ARSB: variants seen among roughly 807,000 people sequenced by gnomAD.
ARSB encodes N-acetylgalactosamine-4-sulfatase.
Under a neutral mutation model 50.9 loss-of-function variants are expected in ARSB, and 41 were observed. The ratio of observed to expected loss-of-function variants is 0.81; its 90% CI spans 0.63 to 1.04. The LOEUF is 1.04. Ranked by LOEUF, ARSB falls within the 50% of genes least tolerant of loss-of-function variation. ARSB has a pLI of 0.00. For missense variants in ARSB, 672 were observed against 693.3 expected (o/e 0.97, Z 0.35); for synonymous variants, 269 against 284.8 (o/e 0.94, Z 0.56).
At chr5:78,859,026 T>A (rs1746293036) in intron 5 of ARSB, among the ~76,000 whole-genome samples, 1 of 152,254 alleles carries the variant, frequency 6.6e-6, no homozygotes, top group African/African-American at 2.4e-5. Context: ...AAACCAGATC[T>A]AATCAAAAAG....
rs576520678 is a variant in ARSB, at chr5:78,826,047, T to A, written c.1213+13309A>T. Among the ~76,000 whole-genome samples the A allele has an allele frequency of 4.8e-5, 7 of 145,400 alleles. No individual in the cohort carries two copies. In the South Asian group the frequency reaches 6.9e-4, roughly 14 times the overall value. ...AAAGTTAACCCCATGTCTTTCCTTTTTCTTTCTTTTTTTTTTTTTGATGGA... is the reference window on the plus strand; with the variant it reads ...AAAGTTAACCCCATGTCTTTCCTTTATCTTTCTTTTTTTTTTTTTGATGGA... On this transcript the variant is annotated intron_variant, in intron 6 of 7. Transcript: ENST00000264914.
intron 4 of ARSB, among the ~76,000 whole-genome samples, chr5:78,923,554 T>C (rs186680145): frequency 4.6e-5 from 7 of 152,264 alleles, no homozygotes; most frequent in African/African-American, 1.7e-4. Flanking sequence ...AGCTGAAGGA[T>C]GCAATTGTGG....
chr5:78,888,217 C>G (rs187251184), intron 4 of ARSB, among the ~76,000 whole-genome samples: 1 of 152,198 alleles, frequency 6.6e-6, no homozygotes, highest in African/African-American at 2.4e-5. Context: ...CAAACATTCA[C>G]TCAGGCCAGT....
intron 4 of ARSB, among the ~76,000 whole-genome samples, chr5:78,925,271 T>C (rs1283878803): frequency 2.0e-5 from 3 of 152,114 alleles, no homozygotes; most frequent in African/African-American, 7.2e-5. Flanking sequence ...TGGGAAAATA[T>C]TATCAACAAA....
At chr5:78,816,731 T>C (rs60315072) in intron 6 of ARSB, among the ~76,000 whole-genome samples, 7,502 of 152,262 alleles carry the variant, frequency 0.049, 641 homozygotes, top group African/African-American at 0.17. Flanking sequence ...AGCTTCTCCA[T>C]TGCTGACTTT....
At position 78,968,994 on chromosome 5, in the gene ARSB, C is replaced by T. The variant is rs764243908; in HGVS notation, c.499+12G>A. 2 of 1,613,956 alleles carry T rather than the reference C, an allele frequency of 1.2e-6. No homozygotes were observed. Among genetic ancestry groups the T allele is most frequent in the Non-Finnish European group, 1.7e-6 (2 of 1,179,854 alleles). ...GTCTAAGTTGTTAAAGAAACATGTG[C>T]ATTTCCATTACCAAAGTAGGTATCA... On this transcript the variant is annotated intron_variant, in intron 2 of 7. Coordinates refer to ENST00000264914, the MANE Select transcript of ARSB (RefSeq NM_000046.5).
chr5:78,951,390 C>CA (rs1751489687), intron 4 of ARSB, among the ~76,000 whole-genome samples: 1 of 151,218 alleles, frequency 6.6e-6, no homozygotes, highest in Non-Finnish European at 1.5e-5. Flanking sequence ...GACAGCATTG[C>CA]AAAAAAACTA....
rs748677053 is a variant in ARSB at position 78,969,029 on chromosome 5, C to A, written c.476G>T (p.Arg159Leu). The change falls in exon 2 of 8, where the codon CGC becomes CTC. Residue 159 changes from arginine (R) to leucine (L), a missense_variant. Coordinates refer to ENST00000264914, the MANE Select transcript of ARSB (RefSeq NM_000046.5). ...GMYRKECLPT[R>L]RGFDTYFGYL... ...ACCAAAGTAGGTATCAAATCCTCGGCGGGTTGGAAGGCATTCTTTCCGGTA... is the reference window on the plus strand; with the variant it reads ...ACCAAAGTAGGTATCAAATCCTCGGAGGGTTGGAAGGCATTCTTTCCGGTA... 6.2e-7 allele frequency: 1 copy of A among 1,614,096 alleles called. No individual in the cohort carries two copies.
chr5:78,798,100 G>A (rs1482159519), intron 6 of ARSB, among the ~76,000 whole-genome samples: 3 of 152,182 alleles, frequency 2.0e-5, no homozygotes, highest in African/African-American at 7.2e-5. Flanking sequence ...AAAATGCACT[G>A]AGCTTTTAAC....
chr5:78,849,656 T>G (rs1283829561), intron 5 of ARSB, among the ~76,000 whole-genome samples: 1 of 150,518 alleles, frequency 6.6e-6, no homozygotes, highest in Non-Finnish European at 1.5e-5. Flanking sequence ...TTGGGCAGTA[T>G]GGCCATTTTC....
chr5:78,959,453 A>C (rs1009931550), intron 3 of ARSB, among the ~76,000 whole-genome samples: 4 of 152,080 alleles, frequency 2.6e-5, no homozygotes, highest in Non-Finnish European at 5.9e-5. Flanking sequence ...CCAAACTTCT[A>C]CACTTTGAAA....
chr5:78,963,211 G>A (rs3869026), intron 3 of ARSB, among the ~76,000 whole-genome samples: 40,354 of 152,048 alleles, frequency 0.27, 6,670 homozygotes, highest in African/African-American at 0.47. Context: ...ATCTGCACAC[G>A]CCAGCTCAAC....
At position 78,852,200 on chromosome 5, in the gene ARSB, G is replaced by A. The variant is rs1365988100; in HGVS notation, c.1143-12774C>T. On this transcript the variant is annotated intron_variant, in intron 5 of 7. Coordinates refer to ENST00000264914, the MANE Select transcript of ARSB (RefSeq NM_000046.5). ...GCATGATTTTGCAGCGGCTGGTACC[G>A]ATTGTTCCTTTCCATGTTTAGTGCT... Among the ~76,000 whole-genome samples the A allele has an allele frequency of 2.0e-5, 3 of 152,200 alleles. No individual in the cohort carries two copies. In the East Asian group the frequency reaches 5.8e-4, roughly 29 times the overall value.
intron 5 of ARSB, among the ~76,000 whole-genome samples, chr5:78,865,361 T>C (rs1746670931): frequency 6.6e-6 from 1 of 152,170 alleles, no homozygotes; most frequent in East Asian, 1.9e-4. Context: ...AAGCTCTACA[T>C]TGGCCCCTTT....
intron 5 of ARSB, among the ~76,000 whole-genome samples, chr5:78,876,183 CAT>C (rs1304986780): frequency 1.3e-5 from 2 of 151,808 alleles, no homozygotes; most frequent in African/African-American, 4.8e-5. Context: ...AATTTCGCAA[CAT>C]GTGATTACAA....
At position 78,969,121 on chromosome 5, in the gene ARSB, G is replaced by C. The variant is rs747605575; in HGVS notation, c.384C>G (p.Leu128=). The change falls in exon 2 of 8, where the codon CTC becomes CTG. Residue 128 remains leucine (L), a synonymous_variant. Coordinates refer to ENST00000264914, the MANE Select transcript of ARSB (RefSeq NM_000046.5). ...CTGCTTCTTTTAGGAGCTGGGGCAG[G>C]AGTTTTTCATCCAGAGGAACACAGC... ...QPSCVPLDEK[L]LPQLLKEAGY... is the part of the protein sequence containing the mutation. The C allele has an allele frequency of 3.1e-5, 50 of 1,614,052 alleles. No individual in the cohort carries two copies. The highest frequency in any genetic ancestry group is 1.6e-4 in the Middle Eastern group (1 of 6,084).
intron 5 of ARSB, among the ~76,000 whole-genome samples, chr5:78,881,044 C>A (rs531357797): frequency 6.6e-6 from 1 of 152,170 alleles, no homozygotes; most frequent in South Asian, 2.1e-4. Flanking sequence ...CTGGTTGGAC[C>A]AACATGGCAA....
chr5:78,788,277 G>A (rs938492350), intron 6 of ARSB, among the ~76,000 whole-genome samples: 5 of 152,178 alleles, frequency 3.3e-5, no homozygotes, highest in African/African-American at 1.2e-4. Flanking sequence ...AAGGAGATCA[G>A]CAGAAAATTT....
At chr5:78,881,147 G>A (rs753455464) in intron 5 of ARSB, among the ~76,000 whole-genome samples, 1 of 151,970 alleles carries the variant, frequency 6.6e-6, no homozygotes, top group Non-Finnish European at 1.5e-5. Context: ...CATGAGAACC[G>A]CTTGAACCCA....
Sources: allele counts gnomAD v4.1 joint callset (sites outside exome capture counted in the v4.1 genomes callset), GRCh38; gene constraint gnomAD v4.1.1; transcripts MANE v1.5; gene names NCBI Gene and HGNC (gene_info 2026-07-23, HGNC 2026-07-21).